Variants in SIPA1L3 observed in about 807,000 individuals in gnomAD.
SIPA1L3 encodes signal-induced proliferation-associated 1-like protein 3.
Under a neutral mutation model 150.1 loss-of-function variants are expected in SIPA1L3, and 59 were observed. That is an observed-to-expected ratio of 0.39 (90% confidence interval 0.32 to 0.49). SIPA1L3 has a LOEUF of 0.49. SIPA1L3 is among the 20% of genes least tolerant of loss of function. The pLI is 0.86. For synonymous variants in SIPA1L3, 1,070 were observed against 1,077.6 expected, an observed-to-expected ratio of 0.99 and a Z score of 0.14; for missense variants, 2,211 against 2,489.5, an observed-to-expected ratio of 0.89 and a Z score of 2.38.
intron 1 of SIPA1L3, among the ~76,000 whole-genome samples, chr19:37,987,804 C>G (rs556673298): frequency 6.6e-6 from 1 of 152,234 alleles, no homozygotes; most frequent in East Asian, 1.9e-4. Context: ...TTGACAGCCA[C>G]TGTCCCGGCG....
intron 1 of SIPA1L3, among the ~76,000 whole-genome samples, chr19:37,941,604 A>G (rs2046658767): frequency 6.6e-6 from 1 of 152,124 alleles, no homozygotes; most frequent in South Asian, 2.1e-4. Flanking sequence ...TTGTGTGGGC[A>G]CGGCTGCTCC....
intron 1 of SIPA1L3, among the ~76,000 whole-genome samples, chr19:37,924,410 A>G (rs1190634859): frequency 7.9e-6 from 1 of 126,630 alleles, no homozygotes; most frequent in Admixed American, 8.6e-5. Flanking sequence ...AGGCTGTTTT[A>G]CAGCTTTTTT....
intron 8 of SIPA1L3, among the ~76,000 whole-genome samples, chr19:38,116,538 A>AAAAAAG (rs755877233): frequency 0.014 from 2,018 of 141,898 alleles, 38 homozygotes; most frequent in East Asian, 0.067. Context: ...AAAAAAAAAA[A>AAAAAAG]AAAGAAAGAA....
chr19:37,938,589 CATCACATCTGCTTCTT>C (rs2046622482), intron 1 of SIPA1L3, among the ~76,000 whole-genome samples: 1 of 151,324 alleles, frequency 6.6e-6, no homozygotes, highest in Non-Finnish European at 1.5e-5. Flanking sequence ...ATTGCTTGCT[CATCACATCTGCTTCTT>C]TTTCTTTTTT....
intron 10 of SIPA1L3, among the ~76,000 whole-genome samples, chr19:38,133,753 C>CCAAA (rs1971368090): frequency 6.6e-6 from 1 of 152,176 alleles, no homozygotes; most frequent in Non-Finnish European, 1.5e-5. Flanking sequence ...CACCCTGTGC[C>CCAAA]CGGTTTCCTC....
chr19:37,927,673 GT>G (rs1568466837), intron 1 of SIPA1L3, among the ~76,000 whole-genome samples: 53 of 150,058 alleles, frequency 3.5e-4, no homozygotes, highest in Non-Finnish European at 4.9e-4. Flanking sequence ...GTGTGTGTGT[GT>G]GTGTGTGTGT....
At chr19:37,920,982 C>T (rs964106612) in intron 1 of SIPA1L3, among the ~76,000 whole-genome samples, 1 of 152,220 alleles carries the variant, frequency 6.6e-6, no homozygotes, top group Admixed American at 6.5e-5. Flanking sequence ...CAGACCCTCC[C>T]CTCAGGACAG....
rs1204407364 is a variant in SIPA1L3, at chr19:38,029,071, TC to T, written c.-378-17del. On this transcript the variant is annotated splice_polypyrimidine_tract_variant and intron_variant, in intron 1 of 21. Transcript: ENST00000222345. ...TAAGTTGGCCAGAGACCTAACCTCT[TC>T]TTTTTCCTCCATGTAGATGCACAGT... is the stretch of plus-strand genomic sequence containing the variant. 1 of 152,196 alleles carries T rather than the reference TC, an allele frequency of 6.6e-6. No homozygotes were observed. The highest frequency in any genetic ancestry group is 2.4e-5 in the African/African-American group (1 of 41,424). 9.4% of individuals were successfully genotyped at this position (152,196 alleles called of 1,614,324 possible).
intron 9 of SIPA1L3, among the ~76,000 whole-genome samples, chr19:38,122,310 T>C (rs1476389136): frequency 3.3e-5 from 5 of 152,042 alleles, no homozygotes; most frequent in Non-Finnish European, 5.9e-5. Context: ...TCTACTCAAA[T>C]AAGGTTTTAG....
chr19:38,077,990 T>C (rs1450610313), intron 2 of SIPA1L3, among the ~76,000 whole-genome samples: 1 of 152,110 alleles, frequency 6.6e-6, no homozygotes, highest in African/African-American at 2.4e-5. Flanking sequence ...GCTTTTCCAA[T>C]TGGGAAATGT....
Position 38,088,795 on chromosome 19 carries a change from G to C in SIPA1L3, c.1609G>C (p.Asp537His). The C allele has an allele frequency of 6.2e-7, 1 of 1,614,112 alleles. No individual in the cohort carries two copies. Among genetic ancestry groups the C allele is most frequent in the Non-Finnish European group, 8.5e-7 (1 of 1,179,998 alleles). Residue 537 changes from aspartate to histidine, a missense_variant, in exon 4 of 22, where the codon GAC becomes CAC. Physicochemically the swap from Asp to His is moderately conservative, Grantham distance 81 (BLOSUM62 -1). Around this residue, in one of 5 missense-constraint regions of SIPA1L3, gnomAD observed 625 missense variants for 804.2 expected, o/e 0.78. Coordinates refer to ENST00000222345, the MANE Select transcript of SIPA1L3 (RefSeq NM_015073.3). Reference protein sequence around the residue: ...AVSIKREKLEDHKEHGPQYQY... With the variant: ...AVSIKREKLEHHKEHGPQYQY... ...GAGCATTAAGCGGGAGAAGCTGGAAGACCACAAGGAGCACGGACCTCAGTA... is the reference window on the plus strand; with the variant it reads ...GAGCATTAAGCGGGAGAAGCTGGAACACCACAAGGAGCACGGACCTCAGTA...
At chr19:38,144,083 C>T (rs1545039) in intron 12 of SIPA1L3, among the ~76,000 whole-genome samples, 10,111 of 152,052 alleles carry the variant, frequency 0.066, 1,141 homozygotes, top group African/African-American at 0.23. Flanking sequence ...CACACTCCCC[C>T]CATCCTACCA....
intron 15 of SIPA1L3, among the ~76,000 whole-genome samples, chr19:38,176,708 A>C (rs1600173407): frequency 1.3e-5 from 2 of 152,298 alleles, no homozygotes; most frequent in South Asian, 4.1e-4. Context: ...ATGGAGGCTT[A>C]CACCTGTAAT....
intron 1 of SIPA1L3, among the ~76,000 whole-genome samples, chr19:38,002,236 A>G (rs1967822441): frequency 6.6e-6 from 1 of 151,914 alleles, no homozygotes; most frequent in East Asian, 1.9e-4. Context: ...CCACCTTTCT[A>G]TTTTCTGTCT....
chr19:38,066,339 T>C (rs1178142881), intron 2 of SIPA1L3, among the ~76,000 whole-genome samples: 2 of 152,140 alleles, frequency 1.3e-5, no homozygotes, highest in Non-Finnish European at 2.9e-5. Flanking sequence ...TTTGTACAGA[T>C]ACATTGTATT....
At chr19:38,150,027 C>T (rs1031579908) in intron 12 of SIPA1L3, among the ~76,000 whole-genome samples, 1 of 152,210 alleles carries the variant, frequency 6.6e-6, no homozygotes, top group Non-Finnish European at 1.5e-5. Context: ...GATGGAGCCA[C>T]ATTTTACCAG....
chr19:38,024,750 C>T (rs1568507379), intron 1 of SIPA1L3, among the ~76,000 whole-genome samples: 2 of 152,078 alleles, frequency 1.3e-5, no homozygotes, highest in African/African-American at 2.4e-5. Context: ...AGTTTTGTTT[C>T]GTCAGCTTCT....
intron 9 of SIPA1L3, among the ~76,000 whole-genome samples, chr19:38,122,579 G>A (rs1971046266): frequency 1.3e-5 from 2 of 152,122 alleles, no homozygotes; most frequent in African/African-American, 4.8e-5. Flanking sequence ...AGAGCAATCT[G>A]ATCACATCAC....
intron 4 of SIPA1L3, among the ~76,000 whole-genome samples, chr19:38,090,809 G>A (rs192895553): frequency 8.5e-5 from 13 of 152,306 alleles, no homozygotes; most frequent in East Asian, 1.9e-4. Flanking sequence ...GATGCAGCTC[G>A]GAGTGCCCTC....
Sources: gnomAD v4.1 joint callset for allele counts (sites outside exome capture counted in the v4.1 genomes callset) on GRCh38, gnomAD v4.1.1 for gene constraint, gnomAD v4.1.1 regional missense constraint, MANE v1.5 for transcripts, NCBI Gene and HGNC (gene_info 2026-07-23, HGNC 2026-07-21) for gene names.